Variants in PTPRN2 observed in about 807,000 individuals in gnomAD.
PTPRN2 encodes the protein receptor-type tyrosine-protein phosphatase N2.
In PTPRN2, 74 loss-of-function variants were observed where a neutral mutation model predicts 118.8. The observed-to-expected ratio is 0.62, with a 90% CI of 0.52 to 0.76. PTPRN2 has a LOEUF of 0.76. Ranked by LOEUF, PTPRN2 falls within the 30% of genes least tolerant of loss-of-function variation. The pLI is 0.00. For missense variants in PTPRN2, 1,481 were observed against 1,394.4 expected (o/e 1.06, Z -0.99); for synonymous variants, 641 against 608.0 (o/e 1.05, Z -0.80).
chr7:158,205,590 G>A lies in PTPRN2; in HGVS notation c.278-317C>T, dbSNP rs114712107. ...GGAACACCAAATTGAACAACTGTCC[G>A]CACAGCAAAGCACCTTCATACGAAC... On this transcript the variant is annotated intron_variant, in intron 3 of 22. Transcript: ENST00000389418. 3.5e-3 allele frequency among the ~76,000 whole-genome samples: 526 copies of A among 152,240 alleles called. 2 individuals carry two copies. Among genetic ancestry groups the A allele is most frequent in the African/African-American group, 0.012 (499 of 41,534 alleles).
intron 9 of PTPRN2, among the ~76,000 whole-genome samples, chr7:158,127,616 C>A (rs1817806657): frequency 6.6e-6 from 1 of 152,240 alleles, no homozygotes; most frequent in Non-Finnish European, 1.5e-5. Context: ...ACAGGTTTCA[C>A]TTCCCCAAAA....
At chr7:158,352,544 G>T (rs1053783965) in intron 2 of PTPRN2, among the ~76,000 whole-genome samples, 5 of 152,228 alleles carry the variant, frequency 3.3e-5, no homozygotes, top group African/African-American at 1.2e-4. Context: ...CCGATTCGTG[G>T]CTGGATTAAA....
chr7:157,865,501 TG>T (rs1563187287), intron 12 of PTPRN2: 1 of 151,958 alleles, frequency 6.6e-6, no homozygotes, highest in African/African-American at 2.4e-5. Flanking sequence ...ACCCTCACCG[TG>T]GGGCCACGAC....
At chr7:158,084,404 G>C (rs766495724) in intron 10 of PTPRN2, among the ~76,000 whole-genome samples, 19 of 152,158 alleles carry the variant, frequency 1.2e-4, no homozygotes, top group Non-Finnish European at 2.5e-4. Context: ...TCTAACCAGG[G>C]AGCCTTGGTT....
rs566506177 is a variant in PTPRN2 at position 158,054,740 on chromosome 7, A to G, written c.1723+26558T>C. Reference sequence around the variant, plus strand: ...ACCTACCCCAAACCAAGTCCTGCCCATAGTGTGCCCCGTAGCACCGTCAGC... The same window carrying G: ...ACCTACCCCAAACCAAGTCCTGCCCGTAGTGTGCCCCGTAGCACCGTCAGC... On this transcript the variant is annotated intron_variant, in intron 11 of 22. Coordinates refer to ENST00000389418, the MANE Select transcript of PTPRN2 (RefSeq NM_002847.5). 7.2e-5 allele frequency among the ~76,000 whole-genome samples: 11 copies of G among 152,274 alleles called. No individual in the cohort carries two copies. In the East Asian group the frequency reaches 1.9e-3, roughly 27 times the overall value.
At chr7:158,089,770 A>AGAG (rs1813899954) in intron 10 of PTPRN2, among the ~76,000 whole-genome samples, 6 of 68,024 alleles carry the variant, frequency 8.8e-5, no homozygotes, top group African/African-American at 1.8e-4. Context: ...CCTGATGAAA[A>AGAG]GGGGAATGTT....
At chr7:157,592,137 T>C (rs2150557054) in intron 17 of PTPRN2, among the ~76,000 whole-genome samples, 2 of 152,352 alleles carry the variant, frequency 1.3e-5, no homozygotes, top group South Asian at 4.1e-4. Context: ...TCTCTACTTA[T>C]TTCATACAGA....
At chr7:158,505,579 C>A (rs1413412051) in intron 1 of PTPRN2, among the ~76,000 whole-genome samples, 1 of 152,170 alleles carries the variant, frequency 6.6e-6, no homozygotes, top group Non-Finnish European at 1.5e-5. Flanking sequence ...AACACAAAGG[C>A]ACATTTAATT....
Position 157,595,268 on chromosome 7 carries a change from C to T in PTPRN2, c.2466G>A (p.Pro822=), listed in dbSNP as rs756403590. The change falls in exon 17 of 23, where the codon CCG becomes CCA. Residue 822 remains proline (P), a synonymous_variant. Transcript: ENST00000389418. ...RNPAYIATQG[P]LPATVADFWQ... ...AAAAGTCAGCCACGGTGGCGGGCAG[C>T]GGTCCCTGGGTGGCGATGTACGCGG... The T allele has an allele frequency of 3.5e-5, 56 of 1,614,060 alleles. No individual in the cohort carries two copies. Among genetic ancestry groups the T allele is most frequent in the East Asian group, 6.7e-5 (3 of 44,890 alleles).
At chr7:158,051,358 C>T (rs1451523294) in intron 11 of PTPRN2, among the ~76,000 whole-genome samples, 3 of 152,318 alleles carry the variant, frequency 2.0e-5, no homozygotes, top group Admixed American at 1.3e-4. Flanking sequence ...ACAGGAAGCA[C>T]AGCCCTCCCC....
chr7:157,752,549 CCT>C (rs1266905142), intron 12 of PTPRN2, among the ~76,000 whole-genome samples: 1 of 152,192 alleles, frequency 6.6e-6, no homozygotes, highest in African/African-American at 2.4e-5. Flanking sequence ...CTTCTGCTTC[CCT>C]GTTTCCAGCT....
chr7:158,217,695 C>G (rs1360345210), intron 3 of PTPRN2, among the ~76,000 whole-genome samples: 1 of 152,072 alleles, frequency 6.6e-6, no homozygotes, highest in Non-Finnish European at 1.5e-5. Context: ...GAAACTCAAT[C>G]CAAGGAAATG....
chr7:158,150,674 A>T (rs1820904002), intron 6 of PTPRN2, among the ~76,000 whole-genome samples: 1 of 151,930 alleles, frequency 6.6e-6, no homozygotes, highest in South Asian at 2.1e-4. Context: ...CAGGGGGGTC[A>T]CTGAGGTGAG....
At chr7:158,387,176 C>T (rs1173362085) in intron 2 of PTPRN2, among the ~76,000 whole-genome samples, 2 of 152,248 alleles carry the variant, frequency 1.3e-5, no homozygotes, top group Non-Finnish European at 2.9e-5. Flanking sequence ...CAGCTTCAAC[C>T]AGCGGCTGCC....
In PTPRN2 at chr7:158,507,919, G is replaced by A. The variant is rs370085837; in HGVS notation, c.113-18134C>T. On this transcript the variant is annotated intron_variant, in intron 1 of 22. Coordinates refer to ENST00000389418, the MANE Select transcript of PTPRN2 (RefSeq NM_002847.5). ...GAAGATCAGTGAGGACCATCCAGGGGACAGCCCTGCGCTGGGCAGGAAATC... is the reference window on the plus strand; with the variant it reads ...GAAGATCAGTGAGGACCATCCAGGGAACAGCCCTGCGCTGGGCAGGAAATC... Among the ~76,000 whole-genome samples the A allele has an allele frequency of 1.4e-4, 21 of 151,332 alleles. No homozygotes were observed. The South Asian group carries it at 3.8e-3, about 27-fold the overall frequency.
chr7:158,229,870 T>G (rs1235092846), intron 3 of PTPRN2, among the ~76,000 whole-genome samples: 1 of 151,962 alleles, frequency 6.6e-6, no homozygotes, highest in African/African-American at 2.4e-5. Flanking sequence ...GAGAAAGACA[T>G]AAACATCTAG....
chr7:158,001,201 C>A (rs1484245510), intron 11 of PTPRN2, among the ~76,000 whole-genome samples: 9 of 132,036 alleles, frequency 6.8e-5, no homozygotes, highest in African/African-American at 2.3e-4. Flanking sequence ...GGGGTCGGGC[C>A]GCAGGCGGGG....
intron 3 of PTPRN2, among the ~76,000 whole-genome samples, chr7:158,270,744 G>GCCACCCCCCCACCTGGA (rs1798269165): frequency 6.7e-6 from 1 of 149,364 alleles, no homozygotes; most frequent in African/African-American, 2.6e-5. Flanking sequence ...CTCTACCTGA[G>GCCACCCCCCCACCTGGA]CCGTCTTCTC....
chr7:158,189,243 C>T (rs1182028307), intron 5 of PTPRN2, among the ~76,000 whole-genome samples: 1 of 152,264 alleles, frequency 6.6e-6, no homozygotes, highest in African/African-American at 2.4e-5. Flanking sequence ...GCAGCCATTC[C>T]ATTTACCCTC....
Sources: gnomAD v4.1 joint callset for allele counts (sites outside exome capture counted in the v4.1 genomes callset) on GRCh38, gnomAD v4.1.1 for gene constraint, MANE v1.5 for transcripts, NCBI Gene and HGNC (gene_info 2026-07-23, HGNC 2026-07-21) for gene names.